PRKG1: variants seen among roughly 807,000 people sequenced by gnomAD.
PRKG1 encodes cGMP-dependent protein kinase 1.
Under a neutral mutation model 88.1 loss-of-function variants are expected in PRKG1, and 35 were observed. The observed-to-expected ratio is 0.40, with a 90% CI of 0.30 to 0.53. PRKG1 has a LOEUF of 0.53. Among genes scored for constraint, PRKG1 ranks in the 20% least tolerant of loss-of-function variants. The probability of loss-of-function intolerance (pLI) is 0.59; values close to 1 mark genes in which losing one functional copy is unlikely to be tolerated. For synonymous variants in PRKG1, 303 were observed against 292.5 expected (o/e 1.04, Z -0.37); for missense variants, 540 against 839.8 (o/e 0.64, Z 4.41).
At chr10:51,794,092 T>C (rs1218731588) in intron 3 of PRKG1, among the ~76,000 whole-genome samples, 5 of 152,120 alleles carry the variant, frequency 3.3e-5, no homozygotes, top group African/African-American at 1.2e-4. Flanking sequence ...TCAAAAACTT[T>C]ACAAAGAAAC....
chr10:51,256,879 A>G (rs189950321), intron 2 of PRKG1, among the ~76,000 whole-genome samples: 2 of 152,288 alleles, frequency 1.3e-5, no homozygotes, highest in African/African-American at 4.8e-5. Context: ...GGATTTTGAC[A>G]TAAAAAAATC....
At chr10:51,635,185 C>A (rs1839624951) in intron 3 of PRKG1, among the ~76,000 whole-genome samples, 1 of 151,320 alleles carries the variant, frequency 6.6e-6, no homozygotes, top group South Asian at 2.1e-4. Context: ...GAATATTGCA[C>A]CTCTATTAGA....
chr10:51,156,323 A>ACACACACACACACACCCC (rs796364856), intron 2 of PRKG1, among the ~76,000 whole-genome samples: 7 of 151,240 alleles, frequency 4.6e-5, no homozygotes, highest in South Asian at 2.1e-4. Context: ...AAACACACAC[A>ACACACACACACACACCCC]CCCGAATGTA....
chr10:51,299,469 G>T (rs752409084), intron 2 of PRKG1: 5 of 450,442 alleles, frequency 1.1e-5, no homozygotes, highest in Admixed American at 2.4e-5. Context: ...GCCTCCCAGA[G>T]TGCTGAGATT....
intron 3 of PRKG1, among the ~76,000 whole-genome samples, chr10:51,479,484 G>A (rs934007746): frequency 7.2e-5 from 11 of 151,868 alleles, no homozygotes; most frequent in Admixed American, 2.6e-4. Flanking sequence ...TTTATTTTGG[G>A]TCAAAGTAGC....
intron 3 of PRKG1, among the ~76,000 whole-genome samples, chr10:51,735,651 T>G (rs2132478708): frequency 6.6e-6 from 1 of 152,154 alleles, no homozygotes; most frequent in South Asian, 2.1e-4. Flanking sequence ...TGCCCATAAC[T>G]TATGCCAACC....
chr10:52,066,939 TTGTTTTGA>T (rs1846369948), intron 7 of PRKG1, among the ~76,000 whole-genome samples: 1 of 152,234 alleles, frequency 6.6e-6, no homozygotes, highest in African/African-American at 2.4e-5. Context: ...GATTATTTTC[TTGTTTTGA>T]TGTTTTGACA....
intron 1 of PRKG1, among the ~76,000 whole-genome samples, chr10:50,996,832 T>A (rs1842841260): frequency 6.6e-6 from 1 of 152,206 alleles, no homozygotes; most frequent in South Asian, 2.1e-4. Context: ...GTTACCTCTT[T>A]CTGATGAACG....
intron 5 of PRKG1, among the ~76,000 whole-genome samples, chr10:52,005,552 A>G (rs1334136382): frequency 6.6e-6 from 1 of 152,084 alleles, no homozygotes; most frequent in African/African-American, 2.4e-5. Context: ...TTTGAACTCA[A>G]CTGGTGGGCA....
intron 3 of PRKG1, among the ~76,000 whole-genome samples, chr10:51,738,936 AT>A (rs1445506649): frequency 2.0e-4 from 30 of 152,228 alleles, no homozygotes; most frequent in African/African-American, 7.2e-4. Context: ...ATAAGCAACT[AT>A]GAAAGACTTT....
At chr10:51,598,262 A>G (rs1369965875) in intron 3 of PRKG1, among the ~76,000 whole-genome samples, 8 of 152,038 alleles carry the variant, frequency 5.3e-5, no homozygotes, top group Admixed American at 6.6e-5. Flanking sequence ...CTTTTTTATC[A>G]TGTTGCCCAA....
chr10:52,083,097 C>T (rs1280326189), intron 7 of PRKG1, among the ~76,000 whole-genome samples: 1 of 152,032 alleles, frequency 6.6e-6, no homozygotes, highest in East Asian at 1.9e-4. Context: ...AACTGAATGA[C>T]AGGCACACTG....
intron 4 of PRKG1, among the ~76,000 whole-genome samples, chr10:51,906,307 T>A (rs1359719561): frequency 6.6e-6 from 1 of 152,128 alleles, no homozygotes; most frequent in Admixed American, 6.6e-5. Flanking sequence ...TGTAAAATAT[T>A]TGAAGAGATT....
At chr10:51,520,487 G>A (rs1049058044) in intron 3 of PRKG1, among the ~76,000 whole-genome samples, 3 of 152,060 alleles carry the variant, frequency 2.0e-5, no homozygotes, top group South Asian at 4.1e-4. Flanking sequence ...CATGAGGAAC[G>A]CAGGGCAGTC....
At chr10:51,888,539 ACT>A (rs1276316983) in intron 4 of PRKG1, among the ~76,000 whole-genome samples, 1 of 152,148 alleles carries the variant, frequency 6.6e-6, no homozygotes, top group Non-Finnish European at 1.5e-5. Context: ...ACACAGCTTC[ACT>A]TTTTGAAAGG....
chr10:51,401,667 G>C (rs1837743137), intron 2 of PRKG1, among the ~76,000 whole-genome samples: 1 of 151,976 alleles, frequency 6.6e-6, no homozygotes, highest in Non-Finnish European at 1.5e-5. Context: ...TTTAAAGAAG[G>C]CATCCTGAAA....
chr10:52,274,190 A>G (rs548052992), intron 12 of PRKG1, among the ~76,000 whole-genome samples: 37 of 152,230 alleles, frequency 2.4e-4, no homozygotes, highest in African/African-American at 8.7e-4. Context: ...TAAGTTCTTT[A>G]GTGGTGATTT....
chr10:51,025,309 C>T (rs1384983689), intron 1 of PRKG1, among the ~76,000 whole-genome samples: 4 of 152,124 alleles, frequency 2.6e-5, no homozygotes, highest in Non-Finnish European at 5.9e-5. Flanking sequence ...TGTGTGGGCT[C>T]ATTTTATTTT....
chr10:51,527,096 G>A (rs1029501652), intron 3 of PRKG1, among the ~76,000 whole-genome samples: 1 of 152,066 alleles, frequency 6.6e-6, no homozygotes, highest in South Asian at 2.1e-4. Flanking sequence ...ACTAGAATTT[G>A]AATTTCACAT....
Sources: gnomAD v4.1 joint callset for allele counts (sites outside exome capture counted in the v4.1 genomes callset) on GRCh38, gnomAD v4.1.1 for gene constraint, MANE v1.5 for transcripts, NCBI Gene and HGNC (gene_info 2026-07-23, HGNC 2026-07-21) for gene names.